The following ALOX15B variants were observed in gnomAD, a reference collection of about 807,000 sequenced individuals.
ALOX15B encodes the protein arachidonate 15-lipoxygenase type B, also known as polyunsaturated fatty acid lipoxygenase ALOX15B.
ALOX15B carries 74 observed loss-of-function variants against 73.8 expected under a neutral mutation model. The observed-to-expected ratio is 1.00, with a 90% CI of 0.83 to 1.22. ALOX15B has a LOEUF of 1.22. ALOX15B is among the 50% of genes most tolerant of loss of function. ALOX15B has a pLI of 0.00. For synonymous variants in ALOX15B, 353 were observed against 357.2 expected, an observed-to-expected ratio of 0.99 and a Z score of 0.13; for missense variants, 896 against 859.9, an observed-to-expected ratio of 1.04 and a Z score of -0.52.
At chr17:8,044,561 G>C (rs1976553020) in intron 5 of ALOX15B, among the ~76,000 whole-genome samples, 1 of 152,118 alleles carries the variant, frequency 6.6e-6, no homozygotes, top group African/African-American at 2.4e-5. Context: ...ATCTGTATTT[G>C]GCCTGCAACG....
Position 8,048,691 on chromosome 17 carries a change from C to A in ALOX15B, c.*126C>A. ...ATGTGCCTCTCCTGGGACAACCAGA[C>A]TCTGTAACTCACCCCCACCACCATA... On this transcript the variant is annotated 3_prime_UTR_variant, in exon 14 of 14. Transcript: ENST00000380183. 1 of 1,010,446 alleles carries A rather than the reference C, an allele frequency of 9.9e-7. No homozygotes were observed. The allele number at this position is 1,010,446 out of a possible 1,614,324, so 62.6% of individuals were successfully genotyped here. A position where few individuals can be genotyped will look rare whatever the true frequency, so the allele number is the denominator to read the frequency against.
intron 10 of ALOX15B, 56 bp from the exon 11 acceptor site, chr17:8,047,202 C>G: frequency 6.2e-7 from 1 of 1,610,906 alleles, no homozygotes; most frequent in Non-Finnish European, 8.5e-7. Flanking sequence ...TAAGCAGAGG[C>G]ATTCCTCAGA....
chr17:8,042,750 C>T, intron 4 of ALOX15B, 31 bp from the exon 5 acceptor site: 1 of 1,535,984 alleles, frequency 6.5e-7, no homozygotes, highest in Non-Finnish European at 8.8e-7. Context: ...GGGCCTCCTC[C>T]CCACTCCCCA....
Position 8,044,874 on chromosome 17 carries a change from A to G in ALOX15B, c.722A>G (p.Gln241Arg). The change falls in exon 6 of 14, where the codon CAG becomes CGG. Residue 241 changes from glutamine (Q) to arginine (R), a missense_variant. Gln to Arg is a conservative substitution (Grantham distance 43). Coordinates refer to ENST00000380183, the MANE Select transcript of ALOX15B (RefSeq NM_001141.3). ...CAGGAGGACGCCTTCTTCGCCTCCC[A>G]GTTCCTGAATGGTCTCAACCCTGTC... ...HWQEDAFFAS[Q>R]FLNGLNPVLI... 1 of 1,589,004 alleles carries G rather than the reference A, an allele frequency of 6.3e-7. No homozygotes were observed. Among genetic ancestry groups the G allele is most frequent in the African/African-American group, 1.4e-5 (1 of 71,052 alleles).
intron 3 of ALOX15B, among the ~76,000 whole-genome samples, chr17:8,041,790 A>C (rs1976470267): frequency 2.6e-5 from 4 of 152,310 alleles, no homozygotes; most frequent in Admixed American, 2.6e-4. Context: ...ATGAAGGCTG[A>C]AGTGCCTCTC....
intron 3 of ALOX15B, among the ~76,000 whole-genome samples, chr17:8,041,901 T>C (rs1461758927): frequency 2.0e-5 from 3 of 152,222 alleles, no homozygotes; most frequent in Non-Finnish European, 4.4e-5. Context: ...GGGACTTCTA[T>C]AGTTGCAAGA....
chr17:8,046,257 T>C (rs1219066053), intron 8 of ALOX15B, among the ~76,000 whole-genome samples: 1 of 152,250 alleles, frequency 6.6e-6, no homozygotes, highest in Admixed American at 6.5e-5. Context: ...TAGCTGGTTC[T>C]TTCTGACTAT....
intron 8 of ALOX15B, 135 bp downstream of exon 8, chr17:8,045,821 C>A: frequency 1.0e-6 from 1 of 970,356 alleles, no homozygotes; most frequent in Non-Finnish European, 1.5e-6. Context: ...TCTCCTGGCA[C>A]AACTCCCCTG....
In ALOX15B at chr17:8,048,532, C is replaced by A. The variant is rs1177768139; in HGVS notation, c.1998C>A (p.Asp666Glu). 1 of 1,613,968 alleles carries A rather than the reference C, an allele frequency of 6.2e-7. No individual in the cohort carries two copies. Among genetic ancestry groups the A allele is most frequent in the African/African-American group, 1.3e-5 (1 of 75,036 alleles). Residue 666 changes from aspartate (D) to glutamate (E), a missense_variant, in exon 14 of 14, where the codon GAC (aspartate) becomes GAA (glutamate). Coordinates refer to ENST00000380183, the MANE Select transcript of ALOX15B (RefSeq NM_001141.3). ...QGLVLPYTYL[D>E]PPLIENSVSI Reference sequence around the variant, plus strand: ...TGGTGCTGCCCTACACCTACCTAGACCCTCCCCTCATCGAGAACAGCGTCT... The same window carrying A: ...TGGTGCTGCCCTACACCTACCTAGAACCTCCCCTCATCGAGAACAGCGTCT...
In ALOX15B at chr17:8,039,235, T is replaced by C. The variant is rs1976356928; in HGVS notation, c.80T>C (p.Val27Ala). ...GTWDKVSVSI[V>A]GTRGESPPLP... Reference sequence around the variant, plus strand: ...TGGGACAAAGTGTCTGTCAGCATCGTGGGGACCCGGGGAGAGAGCCCCCCA... The same window carrying C: ...TGGGACAAAGTGTCTGTCAGCATCGCGGGGACCCGGGGAGAGAGCCCCCCA... Residue 27 changes from valine to alanine, a missense_variant, in exon 1 of 14, where the codon GTG (valine) becomes GCG (alanine). Val to Ala is a moderately conservative substitution (Grantham distance 64, BLOSUM62 0). Coordinates refer to ENST00000380183, the MANE Select transcript of ALOX15B (RefSeq NM_001141.3). 6.2e-7 allele frequency: 1 copy of C among 1,608,040 alleles called. No individual in the cohort carries two copies. Among genetic ancestry groups the C allele is most frequent in the Non-Finnish European group, 8.5e-7 (1 of 1,177,062 alleles).
intron 5 of ALOX15B, among the ~76,000 whole-genome samples, chr17:8,043,790 T>G (rs1021285932): frequency 3.3e-5 from 5 of 152,068 alleles, no homozygotes; most frequent in Non-Finnish European, 5.9e-5. Context: ...AGGCTCCGGC[T>G]GGGCGCAGTG....
Position 8,047,604 on chromosome 17 carries a change from G to T in ALOX15B, c.1620G>T (p.Gln540His). The T allele has an allele frequency of 6.2e-7, 1 of 1,610,716 alleles. No homozygotes were observed. Among genetic ancestry groups the T allele is most frequent in the South Asian group, 1.1e-5 (1 of 90,378 alleles). ...TGGAGACCCGGGAAGCCCTGGTGCA[G>T]TATGTCACCATGGTGATATTCACCT... ...SSLETREALV[Q>H]YVTMVIFTCS... Residue 540 changes from glutamine to histidine, a missense_variant, in exon 12 of 14, where the codon CAG becomes CAT. By Grantham distance (24) the Gln-to-His change is conservative. Coordinates refer to ENST00000380183, the MANE Select transcript of ALOX15B (RefSeq NM_001141.3).
intron 3 of ALOX15B, among the ~76,000 whole-genome samples, chr17:8,041,975 C>T (rs966482342): frequency 3.9e-5 from 6 of 152,232 alleles, no homozygotes; most frequent in African/African-American, 1.4e-4. Context: ...GAGGCACTTA[C>T]AGAAACACAG....
intron 8 of ALOX15B, 96 bp from the exon 9 acceptor site, chr17:8,046,572 T>C: frequency 7.6e-7 from 1 of 1,310,190 alleles, no homozygotes. Flanking sequence ...GTTGCCTCTT[T>C]CCAAGTGACT....
At position 8,045,006 on chromosome 17, in the gene ALOX15B, G is replaced by A; in HGVS notation, c.849+5G>A. On this transcript the variant is annotated splice_donor_5th_base_variant and intron_variant, in intron 6 of 13. Transcript: ENST00000380183. ...AGCTTGCAGGCTGAGCTAGAGGTGA[G>A]GGGTGCAGGGATCTTGGCTCTGCAC... 6 of 1,613,990 alleles carry A rather than the reference G, an allele frequency of 3.7e-6. No individual in the cohort carries two copies. The highest frequency in any genetic ancestry group is 5.1e-6 in the Non-Finnish European group (6 of 1,179,962).
chr17:8,039,666 G>GGT, intron 2 of ALOX15B, 61 bp downstream of exon 2: 2 of 988,526 alleles, frequency 2.0e-6, no homozygotes, highest in Non-Finnish European at 3.0e-6. Context: ...GGGACTGGGG[G>GGT]TTGGGGAGAA....
chr17:8,048,442 C>T lies in ALOX15B; in HGVS notation c.1908C>T (p.Ser636=). The part of the protein sequence containing the change: ...EHFTEEAPRR[S]IATFQSRLAQ... The stretch of plus-strand genomic sequence containing the variant: ...TCACAGAGGAGGCCCCTCGGCGGAG[C>T]ATCGCCACCTTCCAGAGCCGCCTGG... Residue 636 remains serine, a synonymous_variant, in exon 14 of 14, where the codon AGC becomes AGT. Coordinates refer to ENST00000380183, the MANE Select transcript of ALOX15B (RefSeq NM_001141.3). 1 of 1,614,110 alleles carries T rather than the reference C, an allele frequency of 6.2e-7. No individual in the cohort carries two copies. Among genetic ancestry groups the T allele is most frequent in the Non-Finnish European group, 8.5e-7 (1 of 1,180,024 alleles).
At chr17:8,044,138 AGG>A (rs1287022036) in intron 5 of ALOX15B, among the ~76,000 whole-genome samples, 24 of 149,428 alleles carry the variant, frequency 1.6e-4, no homozygotes, top group African/African-American at 4.5e-4. Flanking sequence ...GAAGGAAGGA[AGG>A]AAGGAAGGAA....
Position 8,047,901 on chromosome 17 carries a change from G to A in ALOX15B, c.1837G>A (p.Glu613Lys). Residue 613 changes from glutamate (E) to lysine (K), a missense_variant, in exon 13 of 14, where the codon GAG becomes AAG. Glu to Lys is a moderately conservative substitution (Grantham distance 56). Coordinates refer to ENST00000380183, the MANE Select transcript of ALOX15B (RefSeq NM_001141.3). ...VILALWLLSK[E>K]PGDQRPLGTY... is the part of the protein sequence containing the mutation. ...CCTTGCTCTCTGGTTGCTGAGCAAG[G>A]AGCCTGGAGACCAAGTGAGTGTGGG... 6.2e-7 allele frequency: 1 copy of A among 1,614,098 alleles called. No individual in the cohort carries two copies.
Sources: allele counts gnomAD v4.1 joint callset (sites outside exome capture counted in the v4.1 genomes callset), GRCh38; gene constraint gnomAD v4.1.1; transcripts MANE v1.5; gene names NCBI Gene and HGNC (gene_info 2026-07-23, HGNC 2026-07-21).